SMIM41: variants seen among roughly 807,000 people sequenced by gnomAD.
SMIM41 encodes small integral membrane protein 41.
chr12:52,090,891 C>A (rs1415159190), intron 2 of SMIM41, among the ~76,000 whole-genome samples: 1 of 152,204 alleles, frequency 6.6e-6, no homozygotes, highest in African/African-American at 2.4e-5. Flanking sequence ...TCACCATCCT[C>A]TCAATACACA....
intron 2 of SMIM41, among the ~76,000 whole-genome samples, chr12:52,098,738 G>GGA (rs1555172713): frequency 7.0e-6 from 1 of 143,478 alleles, no homozygotes; most frequent in African/African-American, 3.0e-5. Context: ...ATATCACGGG[G>GGA]GGGGGGGTGT....
At chr12:52,098,246 T>C (rs1224479951) in intron 2 of SMIM41, among the ~76,000 whole-genome samples, 3 of 151,968 alleles carry the variant, frequency 2.0e-5, no homozygotes, top group African/African-American at 7.3e-5. Context: ...GGGACTAATA[T>C]CATCCTCCCG....
At chr12:52,099,549 T>G (rs1940173088) in intron 2 of SMIM41, among the ~76,000 whole-genome samples, 1 of 151,928 alleles carries the variant, frequency 6.6e-6, no homozygotes, top group Non-Finnish European at 1.5e-5. Context: ...GAAAGTAATA[T>G]CCTCTCCTCC....
intron 2 of SMIM41, among the ~76,000 whole-genome samples, chr12:52,084,394 A>C (rs1018749327): frequency 1.3e-5 from 2 of 151,970 alleles, no homozygotes; most frequent in African/African-American, 4.8e-5. Flanking sequence ...ACAAACAAAA[A>C]AAAACAAACA....
At chr12:52,096,744 T>C (rs1382918794) in intron 2 of SMIM41, among the ~76,000 whole-genome samples, 1 of 151,788 alleles carries the variant, frequency 6.6e-6, no homozygotes, top group South Asian at 2.1e-4. Flanking sequence ...AAAATTATAT[T>C]ATCAGTTATT....
intron 2 of SMIM41, among the ~76,000 whole-genome samples, chr12:52,097,849 T>C (rs1446731991): frequency 1.3e-5 from 2 of 151,982 alleles, no homozygotes; most frequent in East Asian, 1.9e-4. Context: ...TCTTGTGATA[T>C]AGAGAGTAGT....
intron 1 of SMIM41, among the ~76,000 whole-genome samples, chr12:52,080,715 C>T (rs1293415036): frequency 1.3e-5 from 2 of 152,172 alleles, no homozygotes; most frequent in African/African-American, 4.8e-5. Context: ...GAAGGCTTTT[C>T]CCTGGGAGGG....
At chr12:52,103,440 C>G (rs571087094) in intron 2 of SMIM41, among the ~76,000 whole-genome samples, 2 of 150,498 alleles carry the variant, frequency 1.3e-5, no homozygotes, top group East Asian at 3.9e-4. Context: ...AAGAGATTAT[C>G]GTCAGTGAAA....
At chr12:52,098,548 A>T (rs1244684146) in intron 2 of SMIM41, among the ~76,000 whole-genome samples, 2 of 150,830 alleles carry the variant, frequency 1.3e-5, no homozygotes, top group African/African-American at 4.9e-5. Context: ...GATATTTGAT[A>T]TCATCCTCTT....
At chr12:52,091,278 GTCCTCAGCC>G (rs1226058550) in intron 2 of SMIM41, among the ~76,000 whole-genome samples, 2 of 152,204 alleles carry the variant, frequency 1.3e-5, no homozygotes, top group African/African-American at 4.8e-5. Context: ...TCAGGGAGCT[GTCCTCAGCC>G]TGAGCCTCTG....
intron 2 of SMIM41, among the ~76,000 whole-genome samples, chr12:52,099,810 AC>A (rs1940179058): frequency 7.2e-6 from 1 of 138,466 alleles, no homozygotes; most frequent in East Asian, 2.9e-4. Flanking sequence ...GAACAATATC[AC>A]AGGAGGGATG....
chr12:52,091,990 C>T (rs1336947058), intron 2 of SMIM41: 2 of 152,200 alleles, frequency 1.3e-5, no homozygotes, highest in African/African-American at 2.4e-5. Context: ...TCTTTAAATA[C>T]CACCTTCATG....
chr12:52,080,068 G>A lies in SMIM41; in HGVS notation c.*7G>A, dbSNP rs1256469813. The A allele has an allele frequency of 2.2e-5, 8 of 359,882 alleles. No homozygotes were observed. The highest frequency in any genetic ancestry group is 4.0e-5 in the Non-Finnish European group (8 of 200,872). 22.3% of individuals were successfully genotyped at this position (359,882 alleles called of 1,614,324 possible). A position where few individuals can be genotyped will look rare whatever the true frequency, so the allele number is the denominator to read the frequency against. On this transcript the variant is annotated 3_prime_UTR_variant, in exon 1 of 3. Transcript: ENST00000546390. ...CGGCGACGACGACTCCTAGGCGCCCGGCTGCGCTCGGTGGTCGCGGCCTCC... is the reference window on the plus strand; with the variant it reads ...CGGCGACGACGACTCCTAGGCGCCCAGCTGCGCTCGGTGGTCGCGGCCTCC...
chr12:52,086,628 C>T (rs945088027), intron 2 of SMIM41, among the ~76,000 whole-genome samples: 2 of 152,320 alleles, frequency 1.3e-5, no homozygotes, highest in African/African-American at 4.8e-5. Context: ...GCCCACGGCT[C>T]CTCTGGGTGT....
At chr12:52,093,995 G>A (rs993451776) in intron 2 of SMIM41, among the ~76,000 whole-genome samples, 2 of 151,768 alleles carry the variant, frequency 1.3e-5, no homozygotes, top group Non-Finnish European at 2.9e-5. Context: ...GCCGGGTGTG[G>A]TAGTGGGTGC....
intron 2 of SMIM41, among the ~76,000 whole-genome samples, chr12:52,105,782 A>G (rs766095785): frequency 3.8e-4 from 57 of 151,962 alleles, no homozygotes; most frequent in South Asian, 2.5e-3. Context: ...ACAAAAAAAA[A>G]CTCCCACAAC....
chr12:52,084,057 A>G (rs900279547), intron 2 of SMIM41, 89 bp downstream of exon 2: 2 of 152,116 alleles, frequency 1.3e-5, no homozygotes, highest in African/African-American at 2.4e-5. Flanking sequence ...TGCCAGGCAT[A>G]CTCTGGGACG....
At chr12:52,093,517 T>A (rs1940038553) in intron 2 of SMIM41, 2 of 152,244 alleles carry the variant, frequency 1.3e-5, no homozygotes, top group South Asian at 4.2e-4. Context: ...GAGACTGGGG[T>A]CAGTAGGCTG....
chr12:52,105,979 C>T (rs1402073441), intron 2 of SMIM41, among the ~76,000 whole-genome samples: 1 of 152,108 alleles, frequency 6.6e-6, no homozygotes, highest in East Asian at 1.9e-4. Context: ...TTAAACCGAT[C>T]GTGGGCTCCC....
Sources: allele counts gnomAD v4.1 joint callset (sites outside exome capture counted in the v4.1 genomes callset), GRCh38; gene constraint gnomAD v4.1.1; transcripts MANE v1.5; gene names NCBI Gene and HGNC (gene_info 2026-07-23, HGNC 2026-07-21).